Variants in RFX2 observed in about 807,000 individuals in gnomAD.
RFX2 encodes DNA-binding protein RFX2.
A neutral mutation model predicts 87.8 loss-of-function variants in RFX2; 20 were observed. The observed-to-expected ratio is 0.23, with a 90% CI of 0.16 to 0.33. RFX2 has a LOEUF of 0.33. RFX2 is among the 10% of genes least tolerant of loss of function. The probability of loss-of-function intolerance (pLI) is 1.00; values close to 1 mark genes in which losing one functional copy is unlikely to be tolerated. For synonymous variants in RFX2, 397 were observed against 431.3 expected, an observed-to-expected ratio of 0.92 and a Z score of 0.98; for missense variants, 767 against 1,012.3, an observed-to-expected ratio of 0.76 and a Z score of 3.29.
chr19:6,090,124 G>A (rs2087912529), intron 1 of RFX2, among the ~76,000 whole-genome samples: 2 of 151,898 alleles, frequency 1.3e-5, no homozygotes, highest in Admixed American at 1.3e-4. Context: ...ACCACACCTG[G>A]CTATTTTTGC....
rs2086818114 is a variant in RFX2, at chr19:6,021,967, G to C, written c.597+4196C>G. Among the ~76,000 whole-genome samples the C allele has an allele frequency of 6.6e-6, 1 of 152,110 alleles. No individual in the cohort carries two copies. The highest frequency in any genetic ancestry group is 2.1e-4 in the South Asian group (1 of 4,822). On this transcript the variant is annotated intron_variant, in intron 6 of 17. Coordinates refer to ENST00000303657, the MANE Select transcript of RFX2 (RefSeq NM_000635.4). The surrounding 1 kb of genome is among the most constrained non-coding windows in gnomAD (Gnocchi z 5.7). ...AAGTAGTCGAAGTGGAGGAGGTGGG[G>C]GGTGCCACCTGGTTCTGGATCTTTC...
At position 6,017,156 on chromosome 19, in the gene RFX2, G is replaced by A. The variant is rs1334689807; in HGVS notation, c.598-885C>T. 3.9e-5 allele frequency among the ~76,000 whole-genome samples: 6 copies of A among 152,330 alleles called. No homozygotes were observed. In the East Asian group the frequency reaches 1.2e-3, roughly 29 times the overall value. On this transcript the variant is annotated intron_variant, in intron 6 of 17. Transcript: ENST00000303657. This position sits in a 1 kb window ranked among gnomAD's most constrained non-coding sequence, Gnocchi z 4.1. ...AGGTGGGAGGATTGCTTGAGCCCAG[G>A]AGGTTGAGGCTGCAGTGAGCTAGGG...
chr19:6,106,341 A>G (rs2088217158), intron 1 of RFX2, among the ~76,000 whole-genome samples: 1 of 152,176 alleles, frequency 6.6e-6, no homozygotes. Flanking sequence ...CCAGCAGAGG[A>G]GCTAATTGCC....
At chr19:6,076,551 T>TA (rs2087695224) in intron 1 of RFX2, among the ~76,000 whole-genome samples, 1 of 152,144 alleles carries the variant, frequency 6.6e-6, no homozygotes, top group African/African-American at 2.4e-5. Context: ...TCTTTGTCCA[T>TA]AAACGGAGAA....
chr19:5,994,739 T>C lies in RFX2; in HGVS notation c.*96A>G, dbSNP rs2086379690. ...GAGTCAAAGTAAACATCACATCATC[T>C]AAGAGGCACTAATTTGGTGGAGCCG... On this transcript the variant is annotated 3_prime_UTR_variant, in exon 18 of 18. Transcript: ENST00000303657. The C allele has an allele frequency of 3.9e-6, 3 of 774,418 alleles. No individual in the cohort carries two copies. The highest frequency in any genetic ancestry group is 2.2e-6 in the Non-Finnish European group (1 of 461,814). The allele number at this position is 774,418 out of a possible 1,614,324, so 48.0% of individuals were successfully genotyped here. A position where few individuals can be genotyped will look rare whatever the true frequency, so the allele number is the denominator to read the frequency against.
chr19:6,064,035 T>C lies in RFX2; in HGVS notation c.-8-16531A>G, dbSNP rs886720589. Among the ~76,000 whole-genome samples, 1 of 152,240 alleles carries C rather than the reference T, an allele frequency of 6.6e-6. No homozygotes were observed. The highest frequency in any genetic ancestry group is 1.5e-5 in the Non-Finnish European group (1 of 68,044). ...ATCTGGCTTCTTGGCCAGCCAGCCC[T>C]TCTTGAGAAAACAAAGTCTGGATCT... On this transcript the variant is annotated intron_variant, in intron 1 of 17. Coordinates refer to ENST00000303657, the MANE Select transcript of RFX2 (RefSeq NM_000635.4). This position sits in a 1 kb window ranked among gnomAD's most constrained non-coding sequence, Gnocchi z 4.8.
At position 6,020,844 on chromosome 19, in the gene RFX2, A is replaced by C. The variant is rs1430970119; in HGVS notation, c.598-4573T>G. 6.6e-6 allele frequency among the ~76,000 whole-genome samples: 1 copy of C among 152,250 alleles called. No homozygotes were observed. The highest frequency in any genetic ancestry group is 1.5e-5 in the Non-Finnish European group (1 of 68,050). On this transcript the variant is annotated intron_variant, in intron 6 of 17. Coordinates refer to ENST00000303657, the MANE Select transcript of RFX2 (RefSeq NM_000635.4). This position sits in a 1 kb window ranked among gnomAD's most constrained non-coding sequence, Gnocchi z 5.3. ...AATAAGCAGAACGCTTTCCAAGGAA[A>C]TGTACATGTGTACCCACATTTGCCA...
At chr19:6,041,091 C>T (rs1053360195) in intron 4 of RFX2, among the ~76,000 whole-genome samples, 3 of 152,094 alleles carry the variant, frequency 2.0e-5, no homozygotes, top group African/African-American at 7.2e-5. Context: ...TTTTTTGAGA[C>T]AGGGTCTCCT....
Position 6,002,498 on chromosome 19 carries a change from T to C in RFX2, c.1650+223A>G, listed in dbSNP as rs1176203323. 6.6e-6 allele frequency among the ~76,000 whole-genome samples: 1 copy of C among 152,012 alleles called. No homozygotes were observed. The highest frequency in any genetic ancestry group is 2.4e-5 in the African/African-American group (1 of 41,366). The stretch of plus-strand genomic sequence containing the variant: ...CCTTTGTGAGGAAAATGAGCAGAAG[T>C]GTTGGCCACAGCGCCTGGACGCCAG... On this transcript the variant is annotated intron_variant, in intron 14 of 17. Transcript: ENST00000303657. The surrounding 1 kb of genome is among the most constrained non-coding windows in gnomAD (Gnocchi z 6.7).
rs1003635337 is a variant in RFX2, at chr19:6,021,579, G to A, written c.597+4584C>T. On this transcript the variant is annotated intron_variant, in intron 6 of 17. Transcript: ENST00000303657. This position sits in a 1 kb window ranked among gnomAD's most constrained non-coding sequence, Gnocchi z 5.7. ...TGAGTGAAGACTCAGAGGAGGTGAG[G>A]GGGAGCCTGGGGAAGAGAGCTTCAG... 2.0e-5 allele frequency among the ~76,000 whole-genome samples: 3 copies of A among 152,188 alleles called. No individual in the cohort carries two copies. Among genetic ancestry groups the A allele is most frequent in the African/African-American group, 7.2e-5 (3 of 41,450 alleles).
chr19:6,008,369 C>CT, intron 9 of RFX2, 145 bp from the exon 10 acceptor site: 2 of 469,218 alleles, frequency 4.3e-6, no homozygotes, highest in Non-Finnish European at 3.8e-6. Flanking sequence ...CTTTCTTTTT[C>CT]TTTTTCTTTT....
At chr19:6,100,556 G>A (rs1467045644) in intron 1 of RFX2, among the ~76,000 whole-genome samples, 2 of 152,090 alleles carry the variant, frequency 1.3e-5, no homozygotes, top group African/African-American at 2.4e-5. Flanking sequence ...CCAGTAAGAA[G>A]GACCAAGACT....
At chr19:6,048,582 C>T (rs1351851548) in intron 1 of RFX2, among the ~76,000 whole-genome samples, 2 of 152,152 alleles carry the variant, frequency 1.3e-5, no homozygotes, top group East Asian at 3.9e-4. Context: ...TGGCTCCTGC[C>T]TGCTGGGGGT....
rs2087430487 is a variant in RFX2, at chr19:6,061,528, C to T, written c.-8-14024G>A. Among the ~76,000 whole-genome samples the T allele has an allele frequency of 6.6e-6, 1 of 152,238 alleles. No individual in the cohort carries two copies. The highest frequency in any genetic ancestry group is 6.5e-5 in the Admixed American group (1 of 15,290). ...GACTGTCCGTAGGCAGGCAGAGAGC[C>T]CTGCCCCACAGAATGCATCCAAAGA... On this transcript the variant is annotated intron_variant, in intron 1 of 17. Transcript: ENST00000303657. The surrounding 1 kb of genome is among the most constrained non-coding windows in gnomAD (Gnocchi z 5.2).
rs556096349 is a variant in RFX2, at chr19:6,061,201, C to T, written c.-8-13697G>A. On this transcript the variant is annotated intron_variant, in intron 1 of 17. Coordinates refer to ENST00000303657, the MANE Select transcript of RFX2 (RefSeq NM_000635.4). The surrounding 1 kb of genome is among the most constrained non-coding windows in gnomAD (Gnocchi z 5.2). The stretch of plus-strand genomic sequence containing the variant: ...CCCTATCTCCTACCTGGAACCACCA[C>T]ATCCGCCTCCTAATTGGTCTCCCTG... Among the ~76,000 whole-genome samples the T allele has an allele frequency of 1.3e-5, 2 of 152,310 alleles. No individual in the cohort carries two copies. Among genetic ancestry groups the T allele is most frequent in the African/African-American group, 2.4e-5 (1 of 41,556 alleles).
chr19:6,009,832 T>C (rs2086637320), intron 9 of RFX2, among the ~76,000 whole-genome samples: 1 of 152,216 alleles, frequency 6.6e-6, no homozygotes, highest in Non-Finnish European at 1.5e-5. Flanking sequence ...TCCCAAGGTG[T>C]TGGGATCACG....
At chr19:5,996,700 G>T (rs982999502) in intron 16 of RFX2, among the ~76,000 whole-genome samples, 1 of 152,272 alleles carries the variant, frequency 6.6e-6, no homozygotes, top group Admixed American at 6.5e-5. Flanking sequence ...CCCTATGTGT[G>T]TGTTACCACA....
At position 6,015,495 on chromosome 19, in the gene RFX2, GTT is replaced by G. The variant is rs554697428; in HGVS notation, c.779+593_779+594del. On this transcript the variant is annotated intron_variant, in intron 7 of 17. Coordinates refer to ENST00000303657, the MANE Select transcript of RFX2 (RefSeq NM_000635.4). Reference sequence around the variant, plus strand: ...ATAAACCAGAGGCTACATTTTGTTTGTTTGTTTGTTTGACACAGGGTCTTGCT... The same window carrying G: ...ATAAACCAGAGGCTACATTTTGTTTGTGTTTGTTTGACACAGGGTCTTGCT... 7.2e-4 allele frequency among the ~76,000 whole-genome samples: 109 copies of G among 150,458 alleles called. 1 individual carries two copies. In the South Asian group the frequency reaches 9.5e-3, roughly 13 times the overall value.
chr19:6,053,726 C>T (rs374517677), intron 1 of RFX2, among the ~76,000 whole-genome samples: 16 of 152,008 alleles, frequency 1.1e-4, no homozygotes, highest in Middle Eastern at 3.4e-3. Flanking sequence ...AGGCCGAGGG[C>T]GGGTGGATCA....
Sources: gnomAD v4.1 joint callset for allele counts (sites outside exome capture counted in the v4.1 genomes callset) on GRCh38, gnomAD v4.1.1 for gene constraint, Gnocchi (gnomAD v3.1) non-coding constraint, MANE v1.5 for transcripts, NCBI Gene and HGNC (gene_info 2026-07-23, HGNC 2026-07-21) for gene names.